The following TG variants were observed in gnomAD, a reference collection of about 807,000 sequenced individuals.
TG encodes the protein thyroglobulin, also known as thyroid hormones.
TG carries 270 observed loss-of-function variants against 324.7 expected under a neutral mutation model. That is an observed-to-expected ratio of 0.83 (90% CI 0.75 to 0.92). The LOEUF is 0.92. TG is among the 40% of genes least tolerant of loss of function. The pLI is 0.00. For synonymous variants in TG, 1,401 were observed against 1,327.0 expected, an observed-to-expected ratio of 1.06 and a Z score of -1.21; for missense variants, 3,591 against 3,456.4, an observed-to-expected ratio of 1.04 and a Z score of -0.98.
chr8:132,885,127 G>T (rs1281424290), intron 8 of TG, among the ~76,000 whole-genome samples: 1 of 124,250 alleles, frequency 8.0e-6, no homozygotes, highest in Non-Finnish European at 1.8e-5. Flanking sequence ...TATTTTAAAA[G>T]TTGGGGGGGG....
intron 43 of TG, among the ~76,000 whole-genome samples, chr8:133,108,931 G>A (rs1850050091): frequency 6.6e-6 from 1 of 152,230 alleles, no homozygotes; most frequent in Non-Finnish European, 1.5e-5. Flanking sequence ...TGTTGACCAT[G>A]TGCCAACTAC....
At chr8:132,917,586 G>A (rs544774678) in intron 20 of TG, among the ~76,000 whole-genome samples, 2 of 152,238 alleles carry the variant, frequency 1.3e-5, no homozygotes, top group South Asian at 4.1e-4. Flanking sequence ...GGACAGGCCA[G>A]GAGAGGCCTT....
chr8:133,075,154 A>AT (rs1439626829), intron 41 of TG: 1 of 983,774 alleles, frequency 1.0e-6, no homozygotes, highest in Non-Finnish European at 1.2e-6. Context: ...TGGGTTATTA[A>AT]TTTTTTTACA....
chr8:132,967,001 C>A (rs986730794), intron 30 of TG, among the ~76,000 whole-genome samples: 2 of 150,780 alleles, frequency 1.3e-5, no homozygotes, highest in Non-Finnish European at 3.0e-5. Context: ...TCCATCTACC[C>A]ATTTATCCAT....
chr8:133,022,723 T>C (rs937337486), intron 40 of TG, among the ~76,000 whole-genome samples: 4 of 152,208 alleles, frequency 2.6e-5, no homozygotes, highest in African/African-American at 9.6e-5. Flanking sequence ...AGGGCTGAAG[T>C]GAGCCCTGGA....
intron 41 of TG, among the ~76,000 whole-genome samples, chr8:133,084,386 A>G (rs1042237580): frequency 2.6e-5 from 4 of 152,212 alleles, no homozygotes; most frequent in African/African-American, 7.2e-5. Context: ...GCCCATGTGT[A>G]TGTATGAAGT....
At chr8:133,132,601 G>A (rs1285980451) in intron 46 of TG, among the ~76,000 whole-genome samples, 1 of 152,142 alleles carries the variant, frequency 6.6e-6, no homozygotes, top group Non-Finnish European at 1.5e-5. Flanking sequence ...TGCCTGATGT[G>A]AGTTGATTAC....
At chr8:132,999,332 G>C (rs1469057351) in intron 35 of TG, among the ~76,000 whole-genome samples, 6 of 151,804 alleles carry the variant, frequency 4.0e-5, no homozygotes, top group African/African-American at 9.7e-5. Context: ...AAAAAAACTA[G>C]AATCTATTCT....
chr8:132,913,293 C>T (rs756617603), intron 20 of TG, 28 bp downstream of exon 20: 1 of 1,608,264 alleles, frequency 6.2e-7, no homozygotes, highest in Non-Finnish European at 8.5e-7. Context: ...CTGGATATCT[C>T]CTGTGGAGCC....
chr8:133,009,887 A>G (rs1321336223), intron 35 of TG, among the ~76,000 whole-genome samples: 3 of 151,946 alleles, frequency 2.0e-5, no homozygotes, highest in Admixed American at 6.6e-5. Flanking sequence ...CACCCAGCCT[A>G]TGGTATTCTG....
rs149030782 is a variant in TG at position 132,999,547 on chromosome 8, C to T, written c.6263-12354C>T. 1.3e-3 allele frequency among the ~76,000 whole-genome samples: 196 copies of T among 152,298 alleles called. 1 individual carries two copies. Among genetic ancestry groups the T allele is most frequent in the Middle Eastern group, 0.01 (3 of 294 alleles). ...ACTACCCACCCATTGAGGTGCATAA[C>T]GACTGGGTTCATGCTCTCTCTCAGA... On this transcript the variant is annotated intron_variant, in intron 35 of 47. Coordinates refer to ENST00000220616, the MANE Select transcript of TG (RefSeq NM_003235.5).
intron 18 of TG, among the ~76,000 whole-genome samples, chr8:132,910,740 A>G (rs1819395161): frequency 6.6e-6 from 1 of 152,186 alleles, no homozygotes; most frequent in Non-Finnish European, 1.5e-5. Context: ...TGTTGTTTAT[A>G]AGACACACAG....
intron 40 of TG, among the ~76,000 whole-genome samples, chr8:133,029,121 G>C (rs1471858081): frequency 6.6e-6 from 1 of 152,110 alleles, no homozygotes; most frequent in Non-Finnish European, 1.5e-5. Context: ...GAGTAGTTTG[G>C]CAAGGATCTA....
intron 41 of TG, among the ~76,000 whole-genome samples, chr8:133,066,266 C>T (rs2131376223): frequency 7.2e-6 from 1 of 138,436 alleles, no homozygotes; most frequent in Admixed American, 7.9e-5. Flanking sequence ...GCAGAGCTTG[C>T]AGTGAGCTGA....
rs114539802 is a variant in TG at position 133,096,340 on chromosome 8, C to T, written c.7539C>T (p.Asp2513=). 10,070 of 1,614,118 alleles carry T rather than the reference C, an allele frequency of 6.2e-3. 67 individuals carry two copies. The highest frequency in any genetic ancestry group is 6.4e-3 in the Non-Finnish European group (7,590 of 1,180,038). Residue 2513 remains aspartate (D), a synonymous_variant, in exon 43 of 48, where the codon GAC becomes GAT. Coordinates refer to ENST00000220616, the MANE Select transcript of TG (RefSeq NM_003235.5). ...EVDLLIGSSQ[D]DGLINRAKAV... ...ATCTGCTCATTGGGAGTTCTCAGGA[C>T]GACGGGCTCATCAACAGAGCAAAGG...
intron 23 of TG, among the ~76,000 whole-genome samples, chr8:132,931,343 A>G (rs1587455010): frequency 6.6e-6 from 1 of 152,252 alleles, no homozygotes; most frequent in African/African-American, 2.4e-5. Flanking sequence ...ACTACATGAT[A>G]CAAATTGTGA....
Position 132,897,616 on chromosome 8 carries a change from T to C in TG, c.3002-33T>C, listed in dbSNP as rs1587303949. On this transcript the variant is annotated intron_variant, in intron 11 of 47. Coordinates refer to ENST00000220616, the MANE Select transcript of TG (RefSeq NM_003235.5). ...TACAGAGCCCACACAGAGCAGGTGGTCATATTCTGCTTTTCTCCTTCCCTG... is the reference window on the plus strand; with the variant it reads ...TACAGAGCCCACACAGAGCAGGTGGCCATATTCTGCTTTTCTCCTTCCCTG... 3 of 1,613,868 alleles carry C rather than the reference T, an allele frequency of 1.9e-6. No individual in the cohort carries two copies. In the East Asian group the frequency reaches 6.7e-5, roughly 36 times the overall value.
chr8:132,935,660 C>T, intron 24 of TG, 96 bp from the exon 25 acceptor site: 5 of 1,100,642 alleles, frequency 4.5e-6, no homozygotes, highest in Non-Finnish European at 6.8e-6. Context: ...ACCTTTGTAG[C>T]CCTGGTGCCT....
intron 43 of TG, among the ~76,000 whole-genome samples, chr8:133,105,931 T>C (rs955444283): frequency 6.6e-5 from 10 of 152,154 alleles, no homozygotes; most frequent in African/African-American, 2.4e-4. Flanking sequence ...GGTAGCCAGA[T>C]GGCCATATGG....
Sources: gnomAD v4.1 joint callset for allele counts (sites outside exome capture counted in the v4.1 genomes callset) on GRCh38, gnomAD v4.1.1 for gene constraint, MANE v1.5 for transcripts, NCBI Gene and HGNC (gene_info 2026-07-23, HGNC 2026-07-21) for gene names.